GMDS: variants seen among roughly 807,000 people sequenced by gnomAD.
GMDS encodes GDP-mannose 4,6 dehydratase.
GMDS carries 20 observed loss-of-function variants against 49.9 expected under a neutral mutation model. The ratio of observed to expected loss-of-function variants is 0.40; its 90% CI spans 0.28 to 0.58. GMDS has a LOEUF of 0.58. Among genes scored for constraint, GMDS ranks in the 20% least tolerant of loss-of-function variants. The pLI is 0.42. For missense variants in GMDS, 362 were observed against 481.4 expected (o/e 0.75, Z 2.32); for synonymous variants, 177 against 178.6 (o/e 0.99, Z 0.07).
At chr6:1,902,065 G>A (rs892881592) in intron 7 of GMDS, among the ~76,000 whole-genome samples, 4 of 152,190 alleles carry the variant, frequency 2.6e-5, no homozygotes, top group Non-Finnish European at 4.4e-5. Flanking sequence ...TATCACATAC[G>A]CTGTGCCATT....
In GMDS at chr6:1,677,257, G is replaced by C. The variant is rs182764383; in HGVS notation, c.987+49159C>G. Among the ~76,000 whole-genome samples, 10 of 152,268 alleles carry C rather than the reference G, an allele frequency of 6.6e-5. No homozygotes were observed. The East Asian group carries it at 1.9e-3, about 29-fold the overall frequency. On this transcript the variant is annotated intron_variant, in intron 9 of 10. Transcript: ENST00000380815. ...ACCATCTCACACCAGTTAGGATGGCGATCATTAAAAAGTCAGGAAACAACA... is the reference window on the plus strand; with the variant it reads ...ACCATCTCACACCAGTTAGGATGGCCATCATTAAAAAGTCAGGAAACAACA...
At chr6:1,713,109 A>C (rs1454904786) in intron 9 of GMDS, among the ~76,000 whole-genome samples, 3 of 152,218 alleles carry the variant, frequency 2.0e-5, no homozygotes, top group Non-Finnish European at 2.9e-5. Flanking sequence ...AATGTGGTAG[A>C]TCCATAGTGG....
intron 4 of GMDS, among the ~76,000 whole-genome samples, chr6:1,981,423 T>C (rs1765216257): frequency 6.6e-6 from 1 of 152,084 alleles, no homozygotes; most frequent in African/African-American, 2.4e-5. Flanking sequence ...GCACATAAAC[T>C]AGAAAATCTA....
rs1319057666 is a variant in GMDS, at chr6:1,833,491, A to G, written c.772-90905T>C. ...GTGAAATCTAAATCCTGAATGCAGC[A>G]CACATTTTTAAAACTTTTTTTTTTT... On this transcript the variant is annotated intron_variant, in intron 7 of 10. Transcript: ENST00000380815. The surrounding 1 kb of genome is among the most constrained non-coding windows in gnomAD (Gnocchi z 4.4). Among the ~76,000 whole-genome samples the G allele has an allele frequency of 6.6e-6, 1 of 152,028 alleles. No individual in the cohort carries two copies. Among genetic ancestry groups the G allele is most frequent in the Non-Finnish European group, 1.5e-5 (1 of 68,018 alleles).
At chr6:2,172,830 A>C (rs1561630195) in intron 1 of GMDS, among the ~76,000 whole-genome samples, 1 of 152,206 alleles carries the variant, frequency 6.6e-6, no homozygotes, top group Non-Finnish European at 1.5e-5. Context: ...TTAACAAAGC[A>C]TGGAGGACTG....
chr6:1,903,136 C>T (rs1026110051), intron 7 of GMDS, among the ~76,000 whole-genome samples: 3 of 152,140 alleles, frequency 2.0e-5, no homozygotes, highest in African/African-American at 7.2e-5. Flanking sequence ...GGAAAGTATA[C>T]ACATTACCAC....
At chr6:1,754,853 A>G (rs545507031) in intron 7 of GMDS, among the ~76,000 whole-genome samples, 23 of 152,234 alleles carry the variant, frequency 1.5e-4, no homozygotes, top group Non-Finnish European at 3.1e-4. Flanking sequence ...AACTCTCAAT[A>G]AACTAGGTAC....
intron 7 of GMDS, among the ~76,000 whole-genome samples, chr6:1,848,406 C>T (rs1448282852): frequency 6.6e-6 from 1 of 152,140 alleles, no homozygotes; most frequent in African/African-American, 2.4e-5. Flanking sequence ...CCTGGCCTCC[C>T]ATCACACCCT....
At chr6:1,991,273 C>CT (rs1287827551) in intron 4 of GMDS, among the ~76,000 whole-genome samples, 1 of 152,150 alleles carries the variant, frequency 6.6e-6, no homozygotes, top group African/African-American at 2.4e-5. Flanking sequence ...CTCCCAGGCT[C>CT]TTCCACAGCT....
intron 1 of GMDS, among the ~76,000 whole-genome samples, chr6:2,160,293 C>G (rs192736730): frequency 6.6e-6 from 1 of 152,284 alleles, no homozygotes; most frequent in Admixed American, 6.5e-5. Flanking sequence ...CAGTGGCTGA[C>G]ATTAACAGAG....
chr6:1,698,621 A>T (rs1306944284), intron 9 of GMDS, among the ~76,000 whole-genome samples: 1 of 152,056 alleles, frequency 6.6e-6, no homozygotes, highest in African/African-American at 2.4e-5. Flanking sequence ...CCAAGTCTAC[A>T]GGGTTGGTAT....
Position 2,191,458 on chromosome 6 carries a change from C to A in GMDS, c.102+53863G>T, listed in dbSNP as rs1180050631. Among the ~76,000 whole-genome samples, 3 of 152,208 alleles carry A rather than the reference C, an allele frequency of 2.0e-5. No homozygotes were observed. The highest frequency in any genetic ancestry group is 3.9e-4 in the East Asian group (2 of 5,184). On this transcript the variant is annotated intron_variant, in intron 1 of 10. Transcript: ENST00000380815. This position sits in a 1 kb window ranked among gnomAD's most constrained non-coding sequence, Gnocchi z 4.6. ...GGCACCAGCCCTGCCCTCCCAGACA[C>A]ATCTGCAGCCGCCCAGGTGGGGCTG...
At position 2,113,885 on chromosome 6, in the gene GMDS, G is replaced by A. The variant is rs115704234; in HGVS notation, c.345+1886C>T. ...ATTCTCACTGAAGAGTGCCATTTCC[G>A]CCCATTAACTAACCATTAAGAAAAG... On this transcript the variant is annotated intron_variant, in intron 4 of 10. Coordinates refer to ENST00000380815, the MANE Select transcript of GMDS (RefSeq NM_001500.4). Among the ~76,000 whole-genome samples, 342 of 152,080 alleles carry A rather than the reference G, an allele frequency of 2.2e-3. 2 individuals carry two copies. Among genetic ancestry groups the A allele is most frequent in the African/African-American group, 7.7e-3 (319 of 41,492 alleles).
At chr6:2,140,364 T>A (rs1681693848) in intron 1 of GMDS, among the ~76,000 whole-genome samples, 1 of 152,170 alleles carries the variant, frequency 6.6e-6, no homozygotes, top group African/African-American at 2.4e-5. Context: ...AATTCTCCTC[T>A]TGAAGCCTCC....
intron 4 of GMDS, among the ~76,000 whole-genome samples, chr6:2,115,280 A>G (rs1774783025): frequency 6.6e-6 from 1 of 152,188 alleles, no homozygotes; most frequent in African/African-American, 2.4e-5. Context: ...GGAGACTAAA[A>G]AGCTTTCTTC....
chr6:1,796,207 C>G (rs868795316), intron 7 of GMDS, among the ~76,000 whole-genome samples: 1 of 151,884 alleles, frequency 6.6e-6, no homozygotes, highest in Non-Finnish European at 1.5e-5. Flanking sequence ...CCTCATAGTT[C>G]CTCCTTGTAG....
intron 6 of GMDS, among the ~76,000 whole-genome samples, chr6:1,949,371 G>A (rs1427077549): frequency 5.9e-5 from 9 of 152,124 alleles, no homozygotes; most frequent in East Asian, 3.9e-4. Flanking sequence ...TATATACTGC[G>A]TGGCTATATT....
At chr6:1,756,153 A>C (rs77969895) in intron 7 of GMDS, among the ~76,000 whole-genome samples, 2,421 of 152,358 alleles carry the variant, frequency 0.016, 66 homozygotes, top group African/African-American at 0.056. Flanking sequence ...CCATGTAAAT[A>C]ATGTATGAAA....
At chr6:1,660,155 G>A (rs1291079760) in intron 9 of GMDS, among the ~76,000 whole-genome samples, 1 of 152,084 alleles carries the variant, frequency 6.6e-6, no homozygotes, top group Non-Finnish European at 1.5e-5. Flanking sequence ...CCTTGCTAAA[G>A]CATTCCTGGA....
Sources: gnomAD v4.1 joint callset for allele counts (sites outside exome capture counted in the v4.1 genomes callset) on GRCh38, gnomAD v4.1.1 for gene constraint, Gnocchi (gnomAD v3.1) non-coding constraint, MANE v1.5 for transcripts, NCBI Gene and HGNC (gene_info 2026-07-23, HGNC 2026-07-21) for gene names.